SH3RF3: variants seen among roughly 807,000 people sequenced by gnomAD.
SH3RF3 encodes the protein E3 ubiquitin-protein ligase SH3RF3.
In SH3RF3, 29 loss-of-function variants were observed where a neutral mutation model predicts 66.3. The observed-to-expected ratio is 0.44, with a 90% CI of 0.33 to 0.60. The LOEUF is 0.60. Among genes scored for constraint, SH3RF3 ranks in the 20% least tolerant of loss-of-function variants. The pLI is 0.04. For missense variants in SH3RF3, 1,194 were observed against 1,190.9 expected, an observed-to-expected ratio of 1.00 and a Z score of -0.04; for synonymous variants, 583 against 532.0, an observed-to-expected ratio of 1.10 and a Z score of -1.32.
intron 1 of SH3RF3, among the ~76,000 whole-genome samples, chr2:109,273,789 T>C (rs757893611): frequency 6.6e-6 from 1 of 152,184 alleles, no homozygotes; most frequent in African/African-American, 2.4e-5. Context: ...AGGTTGTGAC[T>C]GAAATCCAGA....
At chr2:109,332,633 T>G (rs1682314167) in intron 1 of SH3RF3, among the ~76,000 whole-genome samples, 1 of 152,168 alleles carries the variant, frequency 6.6e-6, no homozygotes, top group South Asian at 2.1e-4. Flanking sequence ...GGCTGCCCCG[T>G]GGGTGGAACA....
intron 1 of SH3RF3, among the ~76,000 whole-genome samples, chr2:109,285,380 CG>C (rs1400859746): frequency 1.3e-5 from 2 of 152,346 alleles, no homozygotes; most frequent in Admixed American, 1.3e-4. Flanking sequence ...CCACGGCCAA[CG>C]CACAAAACTT....
intron 6 of SH3RF3, among the ~76,000 whole-genome samples, chr2:109,435,191 C>G (rs928963012): frequency 6.6e-6 from 1 of 152,190 alleles, no homozygotes; most frequent in South Asian, 2.1e-4. Flanking sequence ...TCGGCTGCCC[C>G]CAGGTCAGTA....
intron 4 of SH3RF3, among the ~76,000 whole-genome samples, chr2:109,415,603 G>A (rs959704706): frequency 6.6e-6 from 1 of 152,130 alleles, no homozygotes; most frequent in African/African-American, 2.4e-5. Context: ...GCAGGTCCTG[G>A]CTGTGGCTGC....
chr2:109,253,062 C>G (rs762525327), intron 1 of SH3RF3, among the ~76,000 whole-genome samples: 1 of 151,900 alleles, frequency 6.6e-6, no homozygotes, highest in African/African-American at 2.4e-5. Flanking sequence ...GAGTCTTGCT[C>G]TGTTGCCCAG....
intron 3 of SH3RF3, among the ~76,000 whole-genome samples, chr2:109,372,667 G>T (rs888240189): frequency 6.6e-6 from 1 of 152,194 alleles, no homozygotes; most frequent in Non-Finnish European, 1.5e-5. Context: ...TTCAGCGCGG[G>T]CCTCTTGGCC....
chr2:109,139,233 G>T (rs1455771337), intron 1 of SH3RF3, among the ~76,000 whole-genome samples: 5 of 152,142 alleles, frequency 3.3e-5, no homozygotes, highest in Non-Finnish European at 7.3e-5. Flanking sequence ...GTTTGCATGA[G>T]AAAATGCGTG....
At chr2:109,365,006 G>T (rs571124227) in intron 2 of SH3RF3, among the ~76,000 whole-genome samples, 1 of 152,228 alleles carries the variant, frequency 6.6e-6, no homozygotes, top group African/African-American at 2.4e-5. Flanking sequence ...CAGAAGGATC[G>T]TGAGACTCTG....
chr2:109,176,801 T>C (rs1429850039), intron 1 of SH3RF3, among the ~76,000 whole-genome samples: 1 of 152,184 alleles, frequency 6.6e-6, no homozygotes, highest in Non-Finnish European at 1.5e-5. Flanking sequence ...GAAGTTAGGC[T>C]CAGCCGTGAA....
At chr2:109,397,698 G>C (rs572382442) in intron 3 of SH3RF3, among the ~76,000 whole-genome samples, 1 of 152,150 alleles carries the variant, frequency 6.6e-6, no homozygotes, top group Non-Finnish European at 1.5e-5. Flanking sequence ...TGTAATTCAC[G>C]GACCTTCCCC....
chr2:109,454,033 C>G (rs1432514152), intron 8 of SH3RF3, among the ~76,000 whole-genome samples: 1 of 152,206 alleles, frequency 6.6e-6, no homozygotes, highest in Non-Finnish European at 1.5e-5. Flanking sequence ...AACTTAACTA[C>G]TTAAATATCC....
chr2:109,132,383 A>G (rs1676720194), intron 1 of SH3RF3, among the ~76,000 whole-genome samples: 1 of 152,240 alleles, frequency 6.6e-6, no homozygotes, highest in Admixed American at 6.5e-5. Flanking sequence ...GGCAGGACAC[A>G]AAACAGTGTT....
chr2:109,234,980 C>T (rs996992498), intron 1 of SH3RF3, among the ~76,000 whole-genome samples: 32 of 152,200 alleles, frequency 2.1e-4, no homozygotes, highest in Non-Finnish European at 2.8e-4. Context: ...CAGATCCCAA[C>T]GTTTGACTAT....
intron 1 of SH3RF3, among the ~76,000 whole-genome samples, chr2:109,296,055 C>T (rs1022992902): frequency 1.3e-4 from 20 of 152,032 alleles, no homozygotes; most frequent in African/African-American, 4.3e-4. Flanking sequence ...GTTTCCTCCC[C>T]AGGATCCCTT....
intron 3 of SH3RF3, among the ~76,000 whole-genome samples, chr2:109,382,271 C>G (rs1380009547): frequency 6.6e-6 from 1 of 152,128 alleles, no homozygotes. Flanking sequence ...GTCTTAGTTG[C>G]TGAAGGGACA....
chr2:109,480,575 G>A (rs369080576), intron 8 of SH3RF3, among the ~76,000 whole-genome samples: 2 of 152,284 alleles, frequency 1.3e-5, no homozygotes, highest in South Asian at 2.1e-4. Context: ...AGGAAGTCTC[G>A]CAGGGTAGAG....
chr2:109,188,314 G>A (rs1678250365), intron 1 of SH3RF3, among the ~76,000 whole-genome samples: 1 of 152,222 alleles, frequency 6.6e-6, no homozygotes, highest in East Asian at 1.9e-4. Flanking sequence ...GAAAATGGAA[G>A]CTGTCTGGCC....
rs1011845776 is a variant in SH3RF3 at position 109,205,202 on chromosome 2, G to A, written c.573+75089G>A. Among the ~76,000 whole-genome samples the A allele has an allele frequency of 4.6e-5, 7 of 151,298 alleles. No individual in the cohort carries two copies. The South Asian group carries it at 1.0e-3, about 22-fold the overall frequency. ...AGCCTGGGCAGCAGAGTGAAACTCC[G>A]TCTCTAAAAATAAATAAATAATAAA... is the stretch of plus-strand genomic sequence containing the variant. On this transcript the variant is annotated intron_variant, in intron 1 of 9. Transcript: ENST00000309415.
At chr2:109,203,333 C>A (rs1276265584) in intron 1 of SH3RF3, among the ~76,000 whole-genome samples, 1 of 152,224 alleles carries the variant, frequency 6.6e-6, no homozygotes, top group Non-Finnish European at 1.5e-5. Context: ...GGCGCAGATG[C>A]GGCGGAGCTT....
Sources: allele counts gnomAD v4.1 joint callset (sites outside exome capture counted in the v4.1 genomes callset), GRCh38; gene constraint gnomAD v4.1.1; transcripts MANE v1.5; gene names NCBI Gene and HGNC (gene_info 2026-07-23, HGNC 2026-07-21).